The following STAM variants were observed in gnomAD, a reference collection of about 807,000 sequenced individuals.
The protein encoded by STAM is signal transducing adaptor molecule.
In STAM, 16 loss-of-function variants were observed where a neutral mutation model predicts 63.4. The ratio of observed to expected loss-of-function variants is 0.25; its 90% CI spans 0.17 to 0.38. The LOEUF is 0.38. STAM is among the 10% of genes least tolerant of loss of function. The pLI, the probability that STAM is intolerant of heterozygous loss-of-function variation, is 1.00. For missense variants in STAM, 636 were observed against 657.1 expected (o/e 0.97, Z 0.35); for synonymous variants, 238 against 223.9 (o/e 1.06, Z -0.56).
At chr10:17,659,085 C>T (rs1440433504) in intron 1 of STAM, among the ~76,000 whole-genome samples, 2 of 151,428 alleles carry the variant, frequency 1.3e-5, no homozygotes, top group Non-Finnish European at 2.9e-5. Flanking sequence ...TATCTCCTTT[C>T]TTAGCATAGC....
intron 8 of STAM, among the ~76,000 whole-genome samples, chr10:17,699,582 T>C (rs1554828090): frequency 6.6e-6 from 1 of 152,206 alleles, no homozygotes; most frequent in Non-Finnish European, 1.5e-5. Context: ...TGTCAAATGA[T>C]AATATTATAT....
rs782077722 is a variant in STAM at position 17,716,693 on chromosome 10, C to T, written c.*1913C>T. ...CTGAAAATCAATGACATAGTCTCTACTATGATTTTTGCCCTATAAAAGTCA... is the reference window on the plus strand; with the variant it reads ...CTGAAAATCAATGACATAGTCTCTATTATGATTTTTGCCCTATAAAAGTCA... On this transcript the variant is annotated 3_prime_UTR_variant, in exon 14 of 14. Coordinates refer to ENST00000377524, the MANE Select transcript of STAM (RefSeq NM_003473.4). 6.6e-6 allele frequency among the ~76,000 whole-genome samples: 1 copy of T among 152,122 alleles called. No individual in the cohort carries two copies. Among genetic ancestry groups the T allele is most frequent in the Non-Finnish European group, 1.5e-5 (1 of 68,014 alleles).
intron 2 of STAM, among the ~76,000 whole-genome samples, chr10:17,668,531 C>G (rs1324343183): frequency 6.6e-6 from 1 of 152,130 alleles, no homozygotes; most frequent in Admixed American, 6.5e-5. Context: ...CATGTGTCTA[C>G]CATTGTGTAA....
intron 9 of STAM, among the ~76,000 whole-genome samples, chr10:17,701,784 G>A (rs1836010161): frequency 6.6e-6 from 1 of 152,056 alleles, no homozygotes; most frequent in Non-Finnish European, 1.5e-5. Context: ...CTTACCGCTT[G>A]CCCGTAGTGA....
chr10:17,670,496 A>G (rs1554823946), intron 2 of STAM, among the ~76,000 whole-genome samples: 1 of 152,160 alleles, frequency 6.6e-6, no homozygotes, highest in African/African-American at 2.4e-5. Context: ...AAAATTATGA[A>G]TCAAGACATA....
At chr10:17,682,587 A>G (rs564886853) in intron 2 of STAM, among the ~76,000 whole-genome samples, 2 of 152,290 alleles carry the variant, frequency 1.3e-5, no homozygotes, top group African/African-American at 4.8e-5. Context: ...TTTGTAGTTT[A>G]ATTTTGTTAT....
At chr10:17,687,875 G>T in intron 4 of STAM, 152 bp from the exon 5 acceptor site, 1 of 531,312 alleles carries the variant, frequency 1.9e-6, no homozygotes, top group Non-Finnish European at 2.9e-6. Context: ...GTGAACATTA[G>T]TTTTATTTCG....
At chr10:17,706,905 A>C (rs1836311060) in intron 12 of STAM, among the ~76,000 whole-genome samples, 1 of 152,234 alleles carries the variant, frequency 6.6e-6, no homozygotes, top group African/African-American at 2.4e-5. Context: ...GTGAAAAAAA[A>C]ATGAGGTAAA....
Position 17,705,574 on chromosome 10 carries a change from G to T in STAM, c.1056-14G>T. ...AGTAACAGCTATGCTTCAAATTATT[G>T]TGTCATGTTTCAGAAAACATTCAGA... On this transcript the variant is annotated splice_polypyrimidine_tract_variant and intron_variant, in intron 11 of 13. Transcript: ENST00000377524. The T allele has an allele frequency of 6.2e-7, 1 of 1,605,812 alleles. No individual in the cohort carries two copies. The highest frequency in any genetic ancestry group is 8.5e-7 in the Non-Finnish European group (1 of 1,177,076).
intron 2 of STAM, among the ~76,000 whole-genome samples, chr10:17,668,026 C>G (rs1554823648): frequency 6.6e-6 from 1 of 152,174 alleles, no homozygotes; most frequent in African/African-American, 2.4e-5. Flanking sequence ...TTGGTAATGA[C>G]AAGGTCTGAT....
intron 2 of STAM, among the ~76,000 whole-genome samples, chr10:17,669,359 T>G (rs1382673787): frequency 6.6e-6 from 1 of 151,750 alleles, no homozygotes; most frequent in African/African-American, 2.4e-5. Context: ...TTGAGGTTTT[T>G]TTTTTTTTTT....
chr10:17,693,578 AG>A (rs1695151359), intron 6 of STAM, among the ~76,000 whole-genome samples: 1 of 152,220 alleles, frequency 6.6e-6, no homozygotes, highest in Non-Finnish European at 1.5e-5. Context: ...TGTTTTTTGT[AG>A]ATAGTACACG....
At chr10:17,691,694 G>A (rs1835543237) in intron 5 of STAM, among the ~76,000 whole-genome samples, 1 of 152,124 alleles carries the variant, frequency 6.6e-6, no homozygotes, top group Non-Finnish European at 1.5e-5. Context: ...ATACAGTCTG[G>A]TTGTGGAGAC....
chr10:17,687,483 T>A (rs536373522), intron 4 of STAM, among the ~76,000 whole-genome samples: 49 of 144,980 alleles, frequency 3.4e-4, no homozygotes, highest in African/African-American at 1.2e-3. Context: ...GGTGAGACTC[T>A]GTCTCAAAAA....
intron 5 of STAM, among the ~76,000 whole-genome samples, chr10:17,691,923 G>A (rs1554826836): frequency 6.6e-6 from 1 of 152,164 alleles, no homozygotes; most frequent in South Asian, 2.1e-4. Context: ...CATCTGTAGA[G>A]GTCTGTTTAC....
At chr10:17,688,364 A>G (rs1391962220) in intron 5 of STAM, among the ~76,000 whole-genome samples, 191 bp downstream of exon 5, 1 of 152,222 alleles carries the variant, frequency 6.6e-6, no homozygotes, top group African/African-American at 2.4e-5. Flanking sequence ...AGGTGCCAGA[A>G]AAGTATTATA....
chr10:17,705,802 T>C, intron 12 of STAM, 61 bp downstream of exon 12: 4 of 1,529,792 alleles, frequency 2.6e-6, no homozygotes, highest in Non-Finnish European at 3.5e-6. Context: ...GTGTGGTAGC[T>C]CATGCCTGTA....
Position 17,663,949 on chromosome 10 carries a change from G to T in STAM, c.125+3401G>T, listed in dbSNP as rs192251945. Among the ~76,000 whole-genome samples the T allele has an allele frequency of 3.1e-3, 465 of 151,444 alleles. 2 individuals are homozygous for T. The highest frequency in any genetic ancestry group is 0.011 in the African/African-American group (450 of 41,282). On this transcript the variant is annotated intron_variant, in intron 2 of 13. Coordinates refer to ENST00000377524, the MANE Select transcript of STAM (RefSeq NM_003473.4). ...GGCCCTAGGCACTTTTGTCTTCTTG[G>T]GCTCCTCTTTCTATTAAAAAAATTA...
intron 2 of STAM, among the ~76,000 whole-genome samples, chr10:17,664,956 G>T (rs1554823249): frequency 6.6e-6 from 1 of 152,028 alleles, no homozygotes; most frequent in Admixed American, 6.5e-5. Flanking sequence ...ATATATAGTA[G>T]AATCATTTAG....
Sources: allele counts gnomAD v4.1 joint callset (sites outside exome capture counted in the v4.1 genomes callset), GRCh38; gene constraint gnomAD v4.1.1; transcripts MANE v1.5; gene names NCBI Gene and HGNC (gene_info 2026-07-23, HGNC 2026-07-21).